MALRD1: variants seen among roughly 807,000 people sequenced by gnomAD.
The protein encoded by MALRD1 is MAM and LDL receptor class A domain containing 1.
Under a neutral mutation model 242.1 loss-of-function variants are expected in MALRD1, and 247 were observed. The ratio of observed to expected loss-of-function variants is 1.02; its 90% confidence interval spans 0.92 to 1.13. The LOEUF is 1.13. MALRD1 is among the 50% of genes most tolerant of loss of function. The pLI, the probability that MALRD1 is intolerant of heterozygous loss-of-function variation, is 0.00. For synonymous variants in MALRD1, 995 were observed against 866.6 expected, an observed-to-expected ratio of 1.15 and a Z score of -2.60; for missense variants, 2,989 against 2,533.1, an observed-to-expected ratio of 1.18 and a Z score of -3.86.
intron 29 of MALRD1, among the ~76,000 whole-genome samples, chr10:19,472,562 A>T (rs1429517281): frequency 2.0e-5 from 3 of 151,858 alleles, no homozygotes; most frequent in Non-Finnish European, 1.5e-5. Flanking sequence ...GTTTTTGATG[A>T]CTGATTCAAT....
intron 36 of MALRD1, among the ~76,000 whole-genome samples, chr10:19,675,779 T>C (rs1400800766): frequency 6.6e-6 from 1 of 152,204 alleles, no homozygotes; most frequent in Non-Finnish European, 1.5e-5. Flanking sequence ...AATTGCAGTG[T>C]ACAAGAGTAA....
At position 19,404,297 on chromosome 10, in the gene MALRD1, G is replaced by T. The variant is rs1453703983; in HGVS notation, c.4845+14688G>T. ...ATCCATGTAGTAATAAACATCATTA[G>T]GAAAAAATCTCGTACAATAATTTTA... On this transcript the variant is annotated intron_variant, in intron 28 of 39. Transcript: ENST00000454679. 2.0e-5 allele frequency among the ~76,000 whole-genome samples: 3 copies of T among 151,844 alleles called. No individual in the cohort carries two copies. In the East Asian group the frequency reaches 5.8e-4, roughly 29 times the overall value.
chr10:19,544,140 A>AT (rs1268241460), intron 32 of MALRD1, among the ~76,000 whole-genome samples: 2 of 149,690 alleles, frequency 1.3e-5, no homozygotes, highest in Non-Finnish European at 3.0e-5. Context: ...TTCTACTGGT[A>AT]TTTTTTATTT....
intron 36 of MALRD1, among the ~76,000 whole-genome samples, chr10:19,642,228 T>A (rs1706257504): frequency 6.6e-6 from 1 of 152,190 alleles, no homozygotes; most frequent in African/African-American, 2.4e-5. Context: ...ATCTAATGAA[T>A]CTTGGTAGTT....
intron 28 of MALRD1, among the ~76,000 whole-genome samples, chr10:19,429,017 T>C (rs1834013808): frequency 6.6e-6 from 1 of 152,350 alleles, no homozygotes; most frequent in South Asian, 2.1e-4. Flanking sequence ...TGTATGTTAT[T>C]ATGGAACTGC....
chr10:19,434,075 A>C (rs1431241536), intron 28 of MALRD1, among the ~76,000 whole-genome samples: 1 of 152,154 alleles, frequency 6.6e-6, no homozygotes, highest in African/African-American at 2.4e-5. Flanking sequence ...CTACCTCTTC[A>C]GCTCCTTTGA....
intron 33 of MALRD1, among the ~76,000 whole-genome samples, chr10:19,586,463 A>C (rs907304354): frequency 6.6e-6 from 1 of 152,020 alleles, no homozygotes; most frequent in Non-Finnish European, 1.5e-5. Flanking sequence ...CCTCAGCTGC[A>C]GGTCTGTTGG....
At chr10:19,238,437 T>C (rs1838537611) in intron 18 of MALRD1, among the ~76,000 whole-genome samples, 1 of 67,300 alleles carries the variant, frequency 1.5e-5, no homozygotes, top group Non-Finnish European at 2.6e-5. Flanking sequence ...ATATATAATA[T>C]ATAATATACA....
rs530932059 is a variant in MALRD1, at chr10:19,070,679, G to A, written c.340+3820G>A. ...TACCTGCTGCTGATTAAATTTTCCC[G>A]TGTATGATTATGTTGTCCTAGTTCT... On this transcript the variant is annotated intron_variant, in intron 2 of 39. Coordinates refer to ENST00000454679, the MANE Select transcript of MALRD1 (RefSeq NM_001142308.3). Among the ~76,000 whole-genome samples the A allele has an allele frequency of 1.1e-4, 16 of 151,850 alleles. No individual in the cohort carries two copies. In the East Asian group the frequency reaches 2.1e-3, roughly 20 times the overall value.
intron 33 of MALRD1, among the ~76,000 whole-genome samples, chr10:19,570,787 T>C (rs1836491817): frequency 6.6e-6 from 1 of 152,084 alleles, no homozygotes; most frequent in African/African-American, 2.4e-5. Flanking sequence ...ATAATATCTG[T>C]CTCTGAAAAA....
intron 31 of MALRD1, among the ~76,000 whole-genome samples, chr10:19,530,596 G>C (rs1834369321): frequency 6.7e-6 from 1 of 149,422 alleles, no homozygotes; most frequent in Non-Finnish European, 1.5e-5. Flanking sequence ...CCCACAAAGG[G>C]GAATGATAGC....
At chr10:19,148,441 T>A (rs1341979037) in intron 11 of MALRD1, among the ~76,000 whole-genome samples, 1 of 151,906 alleles carries the variant, frequency 6.6e-6, no homozygotes, top group Non-Finnish European at 1.5e-5. Flanking sequence ...CTGTGAAGGT[T>A]TTTCCATGTA....
intron 31 of MALRD1, among the ~76,000 whole-genome samples, chr10:19,530,962 A>G (rs1338890578): frequency 2.6e-5 from 4 of 151,564 alleles, no homozygotes; most frequent in Admixed American, 6.6e-5. Context: ...ATATTTGATT[A>G]CTTTATTAGT....
intron 4 of MALRD1, among the ~76,000 whole-genome samples, chr10:19,098,164 G>A (rs1836113670): frequency 6.6e-6 from 1 of 152,148 alleles, no homozygotes; most frequent in Non-Finnish European, 1.5e-5. Context: ...GGACGCTCAT[G>A]TAACGGTTTT....
chr10:19,666,372 T>C (rs1176616489), intron 36 of MALRD1, among the ~76,000 whole-genome samples: 1 of 152,208 alleles, frequency 6.6e-6, no homozygotes, highest in Non-Finnish European at 1.5e-5. Flanking sequence ...AGCTATAGTA[T>C]TTCCATTTCA....
At chr10:19,294,979 G>T (rs1179421262) in intron 21 of MALRD1, among the ~76,000 whole-genome samples, 1 of 151,844 alleles carries the variant, frequency 6.6e-6, no homozygotes, top group African/African-American at 2.4e-5. Context: ...AATTTTGTTT[G>T]CAATCTGTAA....
chr10:19,432,258 A>G (rs533550556), intron 28 of MALRD1, among the ~76,000 whole-genome samples: 19 of 152,240 alleles, frequency 1.2e-4, no homozygotes, highest in Non-Finnish European at 2.2e-4. Context: ...GAACAATGAT[A>G]GTATGCCTCA....
chr10:19,208,327 G>T (rs1836878297), intron 17 of MALRD1, among the ~76,000 whole-genome samples: 1 of 152,192 alleles, frequency 6.6e-6, no homozygotes, highest in African/African-American at 2.4e-5. Flanking sequence ...AGAGGTGGAG[G>T]AAGTGGTGGG....
intron 13 of MALRD1, among the ~76,000 whole-genome samples, chr10:19,169,353 A>C (rs1273486920): frequency 1.3e-5 from 2 of 152,252 alleles, no homozygotes; most frequent in Non-Finnish European, 2.9e-5. Flanking sequence ...ATATATAAAA[A>C]TAGATACACT....
Sources: gnomAD v4.1 joint callset for allele counts (sites outside exome capture counted in the v4.1 genomes callset) on GRCh38, gnomAD v4.1.1 for gene constraint, MANE v1.5 for transcripts, NCBI Gene and HGNC (gene_info 2026-07-23, HGNC 2026-07-21) for gene names.